Variants in PKHD1 observed in about 807,000 individuals in gnomAD.
PKHD1 encodes the protein PKHD1 ciliary IPT domain containing fibrocystin/polyductin.
In PKHD1, 291 loss-of-function variants were observed where a neutral mutation model predicts 412.0. That is an observed-to-expected ratio of 0.71 (90% CI 0.64 to 0.78). The LOEUF is 0.78. Ranked by LOEUF, PKHD1 falls within the 30% of genes least tolerant of loss-of-function variation. PKHD1 has a pLI of 0.00. For synonymous variants in PKHD1, 1,777 were observed against 1,821.5 expected (o/e 0.98, Z 0.62); for missense variants, 4,825 against 4,950.7 (o/e 0.97, Z 0.76).
chr6:51,641,142 C>A (rs1465801443), intron 63 of PKHD1, among the ~76,000 whole-genome samples: 1 of 152,098 alleles, frequency 6.6e-6, no homozygotes, highest in Non-Finnish European at 1.5e-5. Context: ...AGTTTGGTGA[C>A]ATGGGTATGC....
chr6:51,783,385 A>T (rs9382020), intron 53 of PKHD1, among the ~76,000 whole-genome samples: 2,148 of 40,656 alleles, frequency 0.053, 46 homozygotes, highest in African/African-American at 0.11. Flanking sequence ...TTATTTTATA[A>T]TATTTAAATA....
At chr6:51,637,462 T>C (rs62461286) in intron 64 of PKHD1, among the ~76,000 whole-genome samples, 4,000 of 152,286 alleles carry the variant, frequency 0.026, 72 homozygotes, top group Middle Eastern at 0.071. Context: ...AAACATATAA[T>C]GAGCACTTGT....
chr6:51,832,409 G>C (rs1768420855), intron 51 of PKHD1, among the ~76,000 whole-genome samples: 1 of 152,094 alleles, frequency 6.6e-6, no homozygotes, highest in South Asian at 2.1e-4. Context: ...GGAATGATAA[G>C]AAATTTGGTG....
chr6:51,931,856 G>T (rs917467354), intron 37 of PKHD1, among the ~76,000 whole-genome samples: 7 of 150,344 alleles, frequency 4.7e-5, no homozygotes, highest in Non-Finnish European at 7.4e-5. Flanking sequence ...GAGAATAAAG[G>T]AGAGGGAGGG....
At chr6:51,895,956 C>T (rs1001067368) in intron 43 of PKHD1, among the ~76,000 whole-genome samples, 21 of 150,330 alleles carry the variant, frequency 1.4e-4, no homozygotes, top group Middle Eastern at 3.4e-3. Flanking sequence ...TGCGCTTTTC[C>T]GACGGGCTTA....
intron 29 of PKHD1, among the ~76,000 whole-genome samples, chr6:52,028,977 G>T (rs116418082): frequency 0.013 from 2,054 of 152,274 alleles, 25 homozygotes; most frequent in Non-Finnish European, 0.021. Context: ...ACCACATATT[G>T]GTTGCTTAAC....
chr6:51,841,612 A>G (rs912939749), intron 50 of PKHD1, among the ~76,000 whole-genome samples: 1 of 152,198 alleles, frequency 6.6e-6, no homozygotes, highest in African/African-American at 2.4e-5. Flanking sequence ...TTTTCATAAG[A>G]ATGTAAATTA....
chr6:52,016,635 C>CAAAAAAAAAAAAAAAA (rs10579713), intron 34 of PKHD1, among the ~76,000 whole-genome samples: 3 of 118,920 alleles, frequency 2.5e-5, no homozygotes, highest in African/African-American at 1.0e-4. Context: ...GACTCTGTCT[C>CAAAAAAAAAAAAAAAA]AAAAAAAAAA....
At chr6:51,729,504 G>C (rs1198964973) in intron 60 of PKHD1, among the ~76,000 whole-genome samples, 1 of 152,130 alleles carries the variant, frequency 6.6e-6, no homozygotes, top group Non-Finnish European at 1.5e-5. Flanking sequence ...AGAGGGGTAA[G>C]AGGCATGATA....
At chr6:51,788,149 C>A (rs1411536213) in intron 53 of PKHD1, among the ~76,000 whole-genome samples, 1 of 151,968 alleles carries the variant, frequency 6.6e-6, no homozygotes, top group Non-Finnish European at 1.5e-5. Flanking sequence ...TACAACTGTA[C>A]AATGTAGAGA....
intron 43 of PKHD1, among the ~76,000 whole-genome samples, chr6:51,897,926 C>T (rs1296456610): frequency 6.6e-6 from 1 of 152,128 alleles, no homozygotes. Context: ...AAGACCATTA[C>T]ATAATGGTAA....
chr6:51,662,363 A>T (rs1207650198), intron 60 of PKHD1, among the ~76,000 whole-genome samples: 2 of 151,766 alleles, frequency 1.3e-5, no homozygotes, highest in African/African-American at 2.4e-5. Context: ...CACACATACA[A>T]GTAAAAAGGT....
At chr6:51,734,326 T>C (rs1783578227) in intron 60 of PKHD1, among the ~76,000 whole-genome samples, 1 of 152,220 alleles carries the variant, frequency 6.6e-6, no homozygotes, top group Non-Finnish European at 1.5e-5. Context: ...TGGGGGAATA[T>C]TCTTTGAAAA....
At chr6:51,752,052 C>T (rs1001094928) in intron 57 of PKHD1, among the ~76,000 whole-genome samples, 5 of 151,970 alleles carry the variant, frequency 3.3e-5, no homozygotes, top group African/African-American at 1.2e-4. Flanking sequence ...TGTCCTGTTC[C>T]TGTGACCATG....
intron 52 of PKHD1, among the ~76,000 whole-genome samples, chr6:51,824,821 T>C (rs1767052011): frequency 6.6e-6 from 1 of 152,158 alleles, no homozygotes; most frequent in Non-Finnish European, 1.5e-5. Flanking sequence ...ATGTAAAGAT[T>C]TGACCACAAG....
chr6:51,812,925 TA>T (rs1333214265), intron 52 of PKHD1, among the ~76,000 whole-genome samples: 5 of 152,190 alleles, frequency 3.3e-5, no homozygotes, highest in Non-Finnish European at 7.3e-5. Context: ...GGTTTTTAGA[TA>T]ATAATTTAAC....
At position 51,678,520 on chromosome 6, in the gene PKHD1, G is replaced by A. The variant is rs13211036; in HGVS notation, c.10157-18551C>T. 2.9e-3 allele frequency among the ~76,000 whole-genome samples: 436 copies of A among 152,258 alleles called. 2 individuals are homozygous for A. Among genetic ancestry groups the A allele is most frequent in the Middle Eastern group, 0.01 (3 of 294 alleles). Reference sequence around the variant, plus strand: ...ATTCATAATAAACACTGTTGAAAGAGACAAGTTACAGGTGAAGAAAATGCT... The same window carrying A: ...ATTCATAATAAACACTGTTGAAAGAAACAAGTTACAGGTGAAGAAAATGCT... On this transcript the variant is annotated intron_variant, in intron 60 of 66. Coordinates refer to ENST00000371117, the MANE Select transcript of PKHD1 (RefSeq NM_138694.4).
At chr6:52,055,838 C>G in intron 18 of PKHD1, 109 bp from the exon 19 acceptor site, 1 of 1,152,522 alleles carries the variant, frequency 8.7e-7, no homozygotes, top group South Asian at 1.5e-5. Flanking sequence ...AAGAAAACCC[C>G]CGTTCTAACC....
chr6:51,648,410 A>G (rs897486802), intron 62 of PKHD1, among the ~76,000 whole-genome samples: 4 of 152,164 alleles, frequency 2.6e-5, no homozygotes, highest in African/African-American at 9.6e-5. Context: ...AAGGTTCTTA[A>G]GAAAGGAAAG....
Sources: gnomAD v4.1 joint callset for allele counts (sites outside exome capture counted in the v4.1 genomes callset) on GRCh38, gnomAD v4.1.1 for gene constraint, MANE v1.5 for transcripts, NCBI Gene and HGNC (gene_info 2026-07-23, HGNC 2026-07-21) for gene names.